The following FOCAD variants were observed in gnomAD, a reference collection of about 807,000 sequenced individuals.
FOCAD encodes the protein KIAA1797.
Under a neutral mutation model 225.6 loss-of-function variants are expected in FOCAD, and 198 were observed. That is an observed-to-expected ratio of 0.88 (90% CI 0.78 to 0.99). The LOEUF (loss-of-function observed/expected upper bound fraction) is 0.99, where lower values mean the gene tolerates loss of function less well. Among genes scored for constraint, FOCAD ranks in the 50% least tolerant of loss-of-function variants. FOCAD has a pLI of 0.00. For missense variants in FOCAD, 2,713 were observed against 2,123.6 expected (o/e 1.28, Z -5.46); for synonymous variants, 897 against 755.0 (o/e 1.19, Z -3.08).
At chr9:20,949,394 A>C (rs1237999138) in intron 32 of FOCAD, among the ~76,000 whole-genome samples, 1 of 152,182 alleles carries the variant, frequency 6.6e-6, no homozygotes, top group Non-Finnish European at 1.5e-5. Flanking sequence ...GATTGCTTAC[A>C]TGCCACAGTG....
intron 8 of FOCAD, among the ~76,000 whole-genome samples, chr9:20,773,294 T>C (rs1238957989): frequency 6.6e-6 from 1 of 152,244 alleles, no homozygotes. Context: ...TTCATGAAGC[T>C]TATGTTTTAG....
intron 19 of FOCAD, chr9:20,875,023 A>G (rs1200344102): frequency 3.8e-6 from 2 of 526,074 alleles, no homozygotes; most frequent in Non-Finnish European, 6.6e-6. Context: ...GGATTGAACA[A>G]GAAAACTAGT....
At chr9:20,866,366 G>A (rs796303294) in intron 17 of FOCAD, among the ~76,000 whole-genome samples, 8 of 152,022 alleles carry the variant, frequency 5.3e-5, no homozygotes, top group African/African-American at 1.9e-4. Flanking sequence ...AGAGACTGCT[G>A]GTGATGTTAT....
intron 4 of FOCAD, among the ~76,000 whole-genome samples, chr9:20,734,944 G>A (rs975812500): frequency 1.3e-5 from 2 of 152,088 alleles, no homozygotes; most frequent in Admixed American, 6.5e-5. Flanking sequence ...ATAGATAAGG[G>A]TATGTCTATA....
chr9:20,986,512 T>A (rs1477542898), intron 40 of FOCAD, 47 bp downstream of exon 40: 13 of 1,497,082 alleles, frequency 8.7e-6, no homozygotes, highest in Non-Finnish European at 1.2e-5. Flanking sequence ...TAGATCTGCC[T>A]GCTGTTGCTT....
At chr9:20,779,767 G>A (rs1819182393) in intron 9 of FOCAD, among the ~76,000 whole-genome samples, 1 of 151,754 alleles carries the variant, frequency 6.6e-6, no homozygotes, top group African/African-American at 2.4e-5. Context: ...AAAAAAAAGT[G>A]TGCGAGATAA....
At position 20,721,052 on chromosome 9, in the gene FOCAD, G is replaced by A. The variant is rs781145712; in HGVS notation, c.287+518G>A. On this transcript the variant is annotated intron_variant, in intron 4 of 43. Transcript: ENST00000338382. ...AATTTGTTTGGTATGACCATATTTCGTCCATTTACAGACTGAGGTAATAGG... is the reference window on the plus strand; with the variant it reads ...AATTTGTTTGGTATGACCATATTTCATCCATTTACAGACTGAGGTAATAGG... Among the ~76,000 whole-genome samples, 15 of 152,030 alleles carry A rather than the reference G, an allele frequency of 9.9e-5. No individual in the cohort carries two copies. In the East Asian group the frequency reaches 1.3e-3, roughly 14 times the overall value.
chr9:20,923,169 T>C lies in FOCAD; in HGVS notation c.2853-491T>C, dbSNP rs577622531. Reference sequence around the variant, plus strand: ...GATAAAAATGAGTAAGAAAAGCTGCTGTGTGTCAAGTTGTAAGGTATGCAG... The same window carrying C: ...GATAAAAATGAGTAAGAAAAGCTGCCGTGTGTCAAGTTGTAAGGTATGCAG... On this transcript the variant is annotated intron_variant, in intron 24 of 43. Coordinates refer to ENST00000338382, the MANE Select transcript of FOCAD (RefSeq NM_001375567.1). Among the ~76,000 whole-genome samples, 7 of 152,314 alleles carry C rather than the reference T, an allele frequency of 4.6e-5. No individual in the cohort carries two copies. The South Asian group carries it at 1.4e-3, about 32-fold the overall frequency.
chr9:20,770,328 G>A lies in FOCAD; in HGVS notation c.906+90G>A, dbSNP rs930095215. ...TTTATAAAGAAATGAGGTTTAATTG[G>A]CTTACAGTCTGGCAGGCTGTACAGG... On this transcript the variant is annotated intron_variant, in intron 8 of 43. Coordinates refer to ENST00000338382, the MANE Select transcript of FOCAD (RefSeq NM_001375567.1). 10 of 1,222,870 alleles carry A rather than the reference G, an allele frequency of 8.2e-6. No homozygotes were observed. The African/African-American group carries it at 1.5e-4, about 18-fold the overall frequency. 75.8% of individuals were successfully genotyped at this position (1,222,870 alleles called of 1,614,324 possible).
At chr9:20,682,012 G>T (rs558525129), upstream of FOCAD, among the ~76,000 whole-genome samples, 2 of 152,248 alleles carry the variant, frequency 1.3e-5, no homozygotes, top group South Asian at 4.1e-4. Flanking sequence ...TAAGAGGTGG[G>T]GCCATTGGGA....
At position 20,741,796 on chromosome 9, in the gene FOCAD, C is replaced by T. The variant is rs1827639389; in HGVS notation, c.392+1456C>T. ...AGTAAATGAGCACATTTTAATATTT[C>T]TGAATAAACATCTGCATTTCCTCCT... On this transcript the variant is annotated intron_variant, in intron 5 of 43. Transcript: ENST00000338382. Among the ~76,000 whole-genome samples the T allele has an allele frequency of 2.8e-5, 4 of 141,708 alleles. No individual in the cohort carries two copies. In the South Asian group the frequency reaches 9.0e-4, roughly 32 times the overall value. 93.0% of individuals were successfully genotyped at this position (141,708 alleles called of 152,430 possible). A position where few individuals can be genotyped will look rare whatever the true frequency, so the allele number is the denominator to read the frequency against.
At chr9:20,853,958 C>G (rs1484844905) in intron 15 of FOCAD, among the ~76,000 whole-genome samples, 1 of 151,718 alleles carries the variant, frequency 6.6e-6, no homozygotes, top group African/African-American at 2.4e-5. Flanking sequence ...GTTTTGGTAA[C>G]AGAAGCATCC....
At chr9:20,918,735 A>G (rs901549887) in intron 24 of FOCAD, among the ~76,000 whole-genome samples, 1 of 152,216 alleles carries the variant, frequency 6.6e-6, no homozygotes, top group Non-Finnish European at 1.5e-5. Flanking sequence ...AAAAAAAAAA[A>G]AAAACTTACA....
At chr9:20,717,686 A>G (rs1825446156) in intron 2 of FOCAD, 108 bp from the exon 3 acceptor site, 8 of 804,646 alleles carry the variant, frequency 9.9e-6, no homozygotes, top group Middle Eastern at 3.3e-4. Flanking sequence ...AGTTAATGGG[A>G]ATTTTACTTA....
intron 15 of FOCAD, among the ~76,000 whole-genome samples, chr9:20,826,360 C>T (rs1203732269): frequency 3.3e-5 from 5 of 152,070 alleles, no homozygotes; most frequent in East Asian, 1.9e-4. Flanking sequence ...TTCCTGCCCT[C>T]GAACATCAGA....
At chr9:20,977,975 A>G (rs1247707566) in intron 36 of FOCAD, among the ~76,000 whole-genome samples, 4 of 152,348 alleles carry the variant, frequency 2.6e-5, no homozygotes, top group South Asian at 2.1e-4. Flanking sequence ...ACACCTTGAT[A>G]TATTTCTTCA....
At chr9:20,762,709 C>G (rs1470028341) in intron 6 of FOCAD, among the ~76,000 whole-genome samples, 1 of 151,764 alleles carries the variant, frequency 6.6e-6, no homozygotes, top group Non-Finnish European at 1.5e-5. Flanking sequence ...GGTGTATGTG[C>G]AGATCTGTTG....
chr9:20,670,402 TTTGA>T (rs1822026180), intron 2 of FOCAD, among the ~76,000 whole-genome samples: 1 of 152,216 alleles, frequency 6.6e-6, no homozygotes, highest in Non-Finnish European at 1.5e-5. Context: ...ACAAAAGAAG[TTTGA>T]TTGATACAGT....
chr9:20,915,314 A>G (rs180814878), intron 23 of FOCAD, among the ~76,000 whole-genome samples: 1 of 152,220 alleles, frequency 6.6e-6, no homozygotes, highest in South Asian at 2.1e-4. Context: ...CCCTGATTCT[A>G]TATTTAAAGG....
Sources: allele counts gnomAD v4.1 joint callset (sites outside exome capture counted in the v4.1 genomes callset), GRCh38; gene constraint gnomAD v4.1.1; transcripts MANE v1.5; gene names NCBI Gene and HGNC (gene_info 2026-07-23, HGNC 2026-07-21).